Variants in IFI27L1 observed in about 807,000 individuals in gnomAD.
IFI27L1 encodes interferon alpha inducible protein 27 like 1, also known as interferon alpha-inducible protein 27-like protein 1.
In IFI27L1, 3 loss-of-function variants were observed where a neutral mutation model predicts 9.2. That is an observed-to-expected ratio of 0.32 (90% confidence interval 0.15 to 0.84). IFI27L1 has a LOEUF of 0.84. IFI27L1 is among the 40% of genes least tolerant of loss of function. The probability of loss-of-function intolerance (pLI) is 0.56; values close to 1 mark genes in which losing one functional copy is unlikely to be tolerated. For synonymous variants in IFI27L1, 53 were observed against 50.0 expected (o/e 1.06, Z -0.26); for missense variants, 133 against 134.2 (o/e 0.99, Z 0.05).
chr14:94,092,602 T>C (rs1284245183), intron 1 of IFI27L1, among the ~76,000 whole-genome samples: 2 of 152,226 alleles, frequency 1.3e-5, no homozygotes, highest in African/African-American at 2.4e-5. Context: ...AAACCTTTTA[T>C]AACCCTTTAC....
intron 1 of IFI27L1, among the ~76,000 whole-genome samples, chr14:94,095,407 TA>T (rs1886633083): frequency 6.6e-6 from 1 of 152,192 alleles, no homozygotes; most frequent in Admixed American, 6.5e-5. Context: ...GGTCTGGGCC[TA>T]GCATTAAGGG....
At chr14:94,085,723 AT>A (rs1886259925) in intron 1 of IFI27L1, among the ~76,000 whole-genome samples, 1 of 152,200 alleles carries the variant, frequency 6.6e-6, no homozygotes, top group Admixed American at 6.5e-5. Context: ...GAATTGTAAC[AT>A]TTCCATATCA....
At chr14:94,082,829 A>C (rs913639483) in intron 1 of IFI27L1, among the ~76,000 whole-genome samples, 1 of 152,216 alleles carries the variant, frequency 6.6e-6, no homozygotes, top group Non-Finnish European at 1.5e-5. Context: ...CGAGAGCTCT[A>C]ATGGAGATGT....
intron 1 of IFI27L1, chr14:94,094,918 T>C (rs549794638): frequency 6.6e-6 from 1 of 152,234 alleles, no homozygotes; most frequent in South Asian, 2.1e-4. Flanking sequence ...TGGGGTACAT[T>C]TTACCTGGGT....
At chr14:94,095,326 C>T (rs1298187767) in intron 1 of IFI27L1, among the ~76,000 whole-genome samples, 4 of 151,816 alleles carry the variant, frequency 2.6e-5, no homozygotes, top group East Asian at 1.9e-4. Context: ...TGCCAGCCAC[C>T]GTTCCAAGCC....
At chr14:94,083,324 C>A (rs116111054) in intron 1 of IFI27L1, among the ~76,000 whole-genome samples, 1,900 of 152,328 alleles carry the variant, frequency 0.012, 43 homozygotes, top group African/African-American at 0.042. Context: ...CAATCTACTC[C>A]TGGTGAAGAT....
chr14:94,097,999 AGGAC>A (rs901310543), intron 2 of IFI27L1, among the ~76,000 whole-genome samples: 3 of 152,194 alleles, frequency 2.0e-5, no homozygotes, highest in Non-Finnish European at 4.4e-5. Context: ...GGGGAGTCTG[AGGAC>A]GGACCCTGGA....
chr14:94,088,650 C>G (rs1355151582), intron 1 of IFI27L1, among the ~76,000 whole-genome samples: 2 of 152,160 alleles, frequency 1.3e-5, no homozygotes, highest in African/African-American at 4.8e-5. Context: ...CTTAAGTTGG[C>G]TGGAGTGACT....
intron 1 of IFI27L1, among the ~76,000 whole-genome samples, chr14:94,086,117 C>T (rs1886270609): frequency 2.0e-5 from 3 of 152,148 alleles, no homozygotes. Flanking sequence ...CTTGGGCCAT[C>T]TGCTTCATAA....
At chr14:94,085,337 T>G (rs756957161) in intron 1 of IFI27L1, among the ~76,000 whole-genome samples, 4 of 152,224 alleles carry the variant, frequency 2.6e-5, no homozygotes, top group Non-Finnish European at 5.9e-5. Context: ...TTACTCTTCC[T>G]GCATGTTTCC....
chr14:94,082,898 G>A (rs1051020996), intron 1 of IFI27L1, among the ~76,000 whole-genome samples: 1 of 152,194 alleles, frequency 6.6e-6, no homozygotes, highest in African/African-American at 2.4e-5. Context: ...TTCAGCCCAT[G>A]GATCAAGAAG....
At chr14:94,097,057 C>G (rs1886700419) in intron 2 of IFI27L1, 92 bp downstream of exon 2, 1 of 987,964 alleles carries the variant, frequency 1.0e-6, no homozygotes, top group Admixed American at 2.6e-5. Context: ...TATGTCAACC[C>G]CAAATAACAG....
intron 2 of IFI27L1, among the ~76,000 whole-genome samples, chr14:94,098,643 T>TGA (rs1886768235): frequency 6.6e-6 from 1 of 152,140 alleles, no homozygotes; most frequent in South Asian, 2.1e-4. Flanking sequence ...CTGGGAACGT[T>TGA]GAGGCCCGAG....
At chr14:94,088,117 G>T in intron 1 of IFI27L1, 1 of 628,168 alleles carries the variant, frequency 1.6e-6, no homozygotes, top group Non-Finnish European at 2.9e-6. Flanking sequence ...CCATATGCCA[G>T]TTCTGCAAAT....
chr14:94,099,857 A>G (rs1400945082), intron 2 of IFI27L1, among the ~76,000 whole-genome samples: 3 of 113,526 alleles, frequency 2.6e-5, no homozygotes, highest in African/African-American at 1.1e-4. Context: ...CAGAATGCTA[A>G]TAGAACTAAT....
At chr14:94,085,454 T>G (rs1448394755) in intron 1 of IFI27L1, among the ~76,000 whole-genome samples, 1 of 152,202 alleles carries the variant, frequency 6.6e-6, no homozygotes, top group Non-Finnish European at 1.5e-5. Flanking sequence ...CCTTAGCAAT[T>G]CCTTTTGTCA....
rs185915352 is a variant in IFI27L1 at position 94,101,816 on chromosome 14, G to A, written c.64G>A (p.Val22Met). 3.3e-5 allele frequency: 53 copies of A among 1,614,222 alleles called. No individual in the cohort carries two copies. In the East Asian group the frequency reaches 1.1e-3, roughly 33 times the overall value. ...CCCCAAATCTCCACTTCCCGCAGTT[G>A]TGGCTGTGGGGACTGTGCTCGTGGC... ...AAVAAVVGGV[V>M]AVGTVLVALS... Residue 22 changes from valine (V) to methionine (M), a missense_variant and splice_region_variant, in exon 4 of 5, where the codon GTG (valine) becomes ATG (methionine). By Grantham distance (21) the Val-to-Met change is conservative. Transcript: ENST00000555523.
chr14:94,090,174 A>T (rs1042048311), intron 1 of IFI27L1, among the ~76,000 whole-genome samples: 5 of 152,198 alleles, frequency 3.3e-5, no homozygotes, highest in African/African-American at 1.2e-4. Context: ...TAGAATATTG[A>T]TCCAGATTTT....
In IFI27L1 at chr14:94,101,796, A is replaced by T. The variant is rs1886906164; in HGVS notation, c.62-18A>T. On this transcript the variant is annotated intron_variant, in intron 3 of 4. Coordinates refer to ENST00000555523, the MANE Select transcript of IFI27L1 (RefSeq NM_206949.3). Reference sequence around the variant, plus strand: ...ACTCCGTCCCATGGGGCCAACCCCAAATCTCCACTTCCCGCAGTTGTGGCT... The same window carrying T: ...ACTCCGTCCCATGGGGCCAACCCCATATCTCCACTTCCCGCAGTTGTGGCT... The T allele has an allele frequency of 1.2e-6, 2 of 1,614,000 alleles. No individual in the cohort carries two copies. The highest frequency in any genetic ancestry group is 1.7e-6 in the Non-Finnish European group (2 of 1,179,910).
Sources: allele counts gnomAD v4.1 joint callset (sites outside exome capture counted in the v4.1 genomes callset), GRCh38; gene constraint gnomAD v4.1.1; transcripts MANE v1.5; gene names NCBI Gene and HGNC (gene_info 2026-07-23, HGNC 2026-07-21).